Variants in RAD51B observed in about 807,000 individuals in gnomAD.
RAD51B encodes the protein RAD51 paralog B, also known as DNA repair protein RAD51 homolog 2.
Under a neutral mutation model 42.2 loss-of-function variants are expected in RAD51B, and 38 were observed. The observed-to-expected ratio is 0.90, with a 90% CI of 0.70 to 1.18. The LOEUF is 1.18. Among genes scored for constraint, RAD51B ranks in the 50% most tolerant of loss-of-function variants. RAD51B has a pLI of 0.00. For synonymous variants in RAD51B, 154 were observed against 145.2 expected, an observed-to-expected ratio of 1.06 and a Z score of -0.43; for missense variants, 373 against 400.7, an observed-to-expected ratio of 0.93 and a Z score of 0.59.
intron 8 of RAD51B, among the ~76,000 whole-genome samples, chr14:68,345,674 TG>T (rs2082663882): frequency 1.3e-5 from 2 of 151,594 alleles, no homozygotes; most frequent in Non-Finnish European, 2.9e-5. Context: ...TTTTTTTTTT[TG>T]AGACAGAGTA....
intron 8 of RAD51B, among the ~76,000 whole-genome samples, chr14:68,336,961 A>G (rs1480362390): frequency 6.6e-6 from 1 of 152,244 alleles, no homozygotes; most frequent in African/African-American, 2.4e-5. Context: ...AACAAACATT[A>G]CAGTAATTTT....
chr14:68,553,471 T>C (rs1047988151), intron 10 of RAD51B, among the ~76,000 whole-genome samples: 3 of 152,150 alleles, frequency 2.0e-5, no homozygotes, highest in South Asian at 2.1e-4. Flanking sequence ...GCTTCTCTAG[T>C]GCAGCTGAAG....
At chr14:68,600,084 G>A (rs555417736), downstream of RAD51B, among the ~76,000 whole-genome samples, 3 of 152,206 alleles carry the variant, frequency 2.0e-5, no homozygotes, top group Non-Finnish European at 2.9e-5. Context: ...CCTGTCCCAC[G>A]GGATGCAGCA....
At chr14:68,559,458 G>A (rs1489049315) in intron 10 of RAD51B, among the ~76,000 whole-genome samples, 1 of 149,982 alleles carries the variant, frequency 6.7e-6, no homozygotes, top group East Asian at 2.0e-4. Flanking sequence ...TTGGCTCACT[G>A]CAACCTCTGC....
intron 7 of RAD51B, among the ~76,000 whole-genome samples, chr14:68,229,650 C>G (rs1487174284): frequency 1.3e-5 from 2 of 152,192 alleles, no homozygotes; most frequent in Admixed American, 6.5e-5. Flanking sequence ...TAACTAGACT[C>G]TGGTCTCCAG....
intron 4 of RAD51B, among the ~76,000 whole-genome samples, chr14:67,857,718 T>C (rs1463474110): frequency 6.6e-6 from 1 of 152,242 alleles, no homozygotes; most frequent in Admixed American, 6.5e-5. Context: ...TCTAATGATA[T>C]TAATGATGGA....
rs370834489 is a variant in RAD51B, at chr14:68,154,977, TTAC to T, written c.757-136906_757-136904del. Among the ~76,000 whole-genome samples, 561 of 152,284 alleles carry T rather than the reference TTAC, an allele frequency of 3.7e-3. 1 individual carries two copies. The highest frequency in any genetic ancestry group is 6.8e-3 in the Middle Eastern group (2 of 294). ...TTAGGAAAGAGAATTAATCTGAGAA[TTAC>T]CATTATCTAGTCTTCCTCCCACTCA... is the stretch of plus-strand genomic sequence containing the variant. On this transcript the variant is annotated intron_variant, in intron 7 of 10. Coordinates refer to ENST00000471583, the MANE Select transcript of RAD51B (RefSeq NM_133510.4).
intron 10 of RAD51B, among the ~76,000 whole-genome samples, chr14:68,576,498 A>C (rs993717513): frequency 1.3e-5 from 2 of 152,200 alleles, no homozygotes; most frequent in South Asian, 2.1e-4. Context: ...TGTTCTAGGG[A>C]AAGTGTCTTT....
chr14:68,224,996 A>G (rs188306087), intron 7 of RAD51B, among the ~76,000 whole-genome samples: 1 of 151,960 alleles, frequency 6.6e-6, no homozygotes, highest in African/African-American at 2.4e-5. Flanking sequence ...CGGCCCAAAA[A>G]GCTATTTTCT....
chr14:68,270,495 G>A (rs2081084112), intron 7 of RAD51B, among the ~76,000 whole-genome samples: 1 of 152,198 alleles, frequency 6.6e-6, no homozygotes, highest in South Asian at 2.1e-4. Context: ...TCTAGGCTTT[G>A]TGTACTCATG....
intron 5 of RAD51B, among the ~76,000 whole-genome samples, chr14:67,878,261 C>G (rs1355070512): frequency 6.6e-6 from 1 of 152,076 alleles, no homozygotes; most frequent in African/African-American, 2.4e-5. Context: ...TTTTGTCATA[C>G]TTGCGGGAAA....
chr14:68,052,036 A>C (rs566814092), intron 7 of RAD51B, among the ~76,000 whole-genome samples: 87 of 152,326 alleles, frequency 5.7e-4, no homozygotes, highest in African/African-American at 2.0e-3. Flanking sequence ...GGCACATTAC[A>C]TGTAATAACC....
intron 11 of RAD51B, among the ~76,000 whole-genome samples, chr14:68,669,454 G>A (rs1213596721): frequency 2.0e-5 from 3 of 152,130 alleles, no homozygotes; most frequent in African/African-American, 2.4e-5. Context: ...TGGGCCTAGG[G>A]GCAGGGACTT....
intron 7 of RAD51B, among the ~76,000 whole-genome samples, chr14:68,184,300 A>G (rs1205474978): frequency 6.6e-6 from 1 of 152,042 alleles, no homozygotes; most frequent in African/African-American, 2.4e-5. Flanking sequence ...CAGTGGTGCA[A>G]TCACAGCTCA....
At chr14:67,942,507 G>A (rs60381652) in intron 7 of RAD51B, among the ~76,000 whole-genome samples, 3,946 of 152,264 alleles carry the variant, frequency 0.026, 171 homozygotes, top group African/African-American at 0.09. Context: ...GAAGGAAATG[G>A]TGAAATCTGC....
chr14:68,435,510 T>TTTG (rs1555409604), intron 9 of RAD51B, among the ~76,000 whole-genome samples: 1 of 143,584 alleles, frequency 7.0e-6, no homozygotes, highest in African/African-American at 2.7e-5. Context: ...TTTTTTTTTT[T>TTTG]GGGAGAACAA....
intron 11 of RAD51B, among the ~76,000 whole-genome samples, chr14:68,661,888 C>A (rs972631168): frequency 6.6e-6 from 1 of 152,232 alleles, no homozygotes; most frequent in Non-Finnish European, 1.5e-5. Context: ...CTCTTTCTGT[C>A]CTCCACCAAC....
rs150887160 is a variant in RAD51B at position 68,337,106 on chromosome 14, A to G, written c.853+45126A>G. On this transcript the variant is annotated intron_variant, in intron 8 of 10. Coordinates refer to ENST00000471583, the MANE Select transcript of RAD51B (RefSeq NM_133510.4). ...TGAGTGTTAATCTTGCTGTCAGATG[A>G]ATATAATCAACTTTTGGACTCAATT... is the stretch of plus-strand genomic sequence containing the variant. Among the ~76,000 whole-genome samples, 9 of 152,310 alleles carry G rather than the reference A, an allele frequency of 5.9e-5. No individual in the cohort carries two copies. The East Asian group carries it at 1.5e-3, about 26-fold the overall frequency.
chr14:68,461,454 G>T lies in RAD51B; in HGVS notation c.958-6718G>T, dbSNP rs749993618. 2.0e-5 allele frequency among the ~76,000 whole-genome samples: 3 copies of T among 152,116 alleles called. No individual in the cohort carries two copies. In the East Asian group the frequency reaches 5.8e-4, roughly 29 times the overall value. ...CAGATTGGGAGCTGCCATCATGGTG[G>T]TTAAAAGTACAGACCAGGTAGTACA... On this transcript the variant is annotated intron_variant, in intron 9 of 10. Coordinates refer to ENST00000471583, the MANE Select transcript of RAD51B (RefSeq NM_133510.4).
Sources: gnomAD v4.1 joint callset for allele counts (sites outside exome capture counted in the v4.1 genomes callset) on GRCh38, gnomAD v4.1.1 for gene constraint, MANE v1.5 for transcripts, NCBI Gene and HGNC (gene_info 2026-07-23, HGNC 2026-07-21) for gene names.